Variants in VPS13D observed in about 807,000 individuals in gnomAD.
VPS13D encodes vacuolar protein sorting 13 homolog D.
Under a neutral mutation model 461.9 loss-of-function variants are expected in VPS13D, and 187 were observed. The observed-to-expected ratio is 0.40, with a 90% confidence interval of 0.36 to 0.46. The LOEUF is 0.46. Among genes scored for constraint, VPS13D ranks in the 20% least tolerant of loss-of-function variants. The pLI is 0.60. For synonymous variants in VPS13D, 1,951 were observed against 1,986.3 expected (o/e 0.98, Z 0.47); for missense variants, 4,711 against 5,364.9 (o/e 0.88, Z 3.81).
intron 60 of VPS13D, among the ~76,000 whole-genome samples, chr1:12,392,492 C>T (rs1362614402): frequency 1.4e-5 from 2 of 147,622 alleles, no homozygotes; most frequent in Non-Finnish European, 3.0e-5. Context: ...AAAAAAAGTC[C>T]GTGATGAAAT....
intron 63 of VPS13D, chr1:12,409,888 C>T (rs1400257251): frequency 2.2e-6 from 1 of 456,156 alleles, no homozygotes; most frequent in Non-Finnish European, 4.4e-6. Flanking sequence ...GAGAGAAACT[C>T]AGTAAGGTGA....
chr1:12,266,731 G>A (rs994604515), intron 13 of VPS13D, 150 bp from the exon 14 acceptor site: 8 of 751,990 alleles, frequency 1.1e-5, no homozygotes, highest in South Asian at 2.2e-5. Flanking sequence ...TGTGCCTGTA[G>A]ATAGATAGGG....
At chr1:12,498,501 C>A (rs993042255) in intron 68 of VPS13D, among the ~76,000 whole-genome samples, 3 of 152,124 alleles carry the variant, frequency 2.0e-5, no homozygotes, top group Non-Finnish European at 4.4e-5. Flanking sequence ...TATCAAAAGC[C>A]AACTCCAGAA....
intron 35 of VPS13D, among the ~76,000 whole-genome samples, chr1:12,324,508 A>G (rs563679313): frequency 3.3e-5 from 5 of 152,240 alleles, no homozygotes; most frequent in Admixed American, 2.6e-4. Context: ...TGTCTCAAAA[A>G]AAAAGGGGCT....
chr1:12,427,523 A>G (rs1308705483), intron 65 of VPS13D, among the ~76,000 whole-genome samples: 1 of 152,096 alleles, frequency 6.6e-6, no homozygotes, highest in Non-Finnish European at 1.5e-5. Flanking sequence ...CTGAACATGT[A>G]CATGTTTTCT....
chr1:12,230,425 C>A (rs981401815), intron 1 of VPS13D, among the ~76,000 whole-genome samples: 1 of 152,120 alleles, frequency 6.6e-6, no homozygotes, highest in Non-Finnish European at 1.5e-5. Context: ...ACCCCGACGT[C>A]CGTGTCCTGG....
At chr1:12,486,936 C>T (rs1034958214) in intron 67 of VPS13D, among the ~76,000 whole-genome samples, 11 of 152,114 alleles carry the variant, frequency 7.2e-5, no homozygotes, top group African/African-American at 1.9e-4. Flanking sequence ...TCCCTGGTTC[C>T]GCATGGCTTC....
intron 67 of VPS13D, among the ~76,000 whole-genome samples, chr1:12,491,029 A>G (rs1191389705): frequency 6.6e-6 from 1 of 152,250 alleles, no homozygotes; most frequent in Non-Finnish European, 1.5e-5. Flanking sequence ...CCATTTGGTC[A>G]AGAACCCTGG....
intron 61 of VPS13D, among the ~76,000 whole-genome samples, chr1:12,400,960 GCGCA>G (rs71570107): frequency 0.18 from 23,468 of 130,364 alleles, 2,252 homozygotes; most frequent in Middle Eastern, 0.26. Context: ...ACCTGCGCGC[GCGCA>G]CACACACACA....
chr1:12,501,499 A>T (rs1331613296), intron 68 of VPS13D, among the ~76,000 whole-genome samples: 1 of 152,246 alleles, frequency 6.6e-6, no homozygotes, highest in South Asian at 2.1e-4. Flanking sequence ...TTAAAAGCTA[A>T]ATCAGGAGTT....
intron 17 of VPS13D, 42 bp from the exon 18 acceptor site, chr1:12,272,960 TG>T: frequency 2.5e-6 from 4 of 1,601,004 alleles, no homozygotes; most frequent in Non-Finnish European, 3.4e-6. Flanking sequence ...ATAAAGCTGT[TG>T]GGTTTCGGCA....
intron 67 of VPS13D, among the ~76,000 whole-genome samples, chr1:12,493,695 G>A (rs1182783898): frequency 6.6e-6 from 1 of 152,202 alleles, no homozygotes; most frequent in Non-Finnish European, 1.5e-5. Flanking sequence ...TCACACAGTG[G>A]CCTGGGCTGA....
intron 22 of VPS13D, 37 bp from the exon 23 acceptor site, chr1:12,290,961 G>T (rs748686100): frequency 6.4e-7 from 1 of 1,556,050 alleles, no homozygotes; most frequent in South Asian, 1.2e-5. Flanking sequence ...GACAAAAAAG[G>T]ATACATAGTA....
rs1484559967 is a variant in VPS13D at position 12,378,572 on chromosome 1, G to A, written c.11062G>A (p.Ala3688Thr). 7.6e-6 allele frequency: 12 copies of A among 1,585,682 alleles called. No homozygotes were observed. The highest frequency in any genetic ancestry group is 5.4e-5 in the Admixed American group (3 of 55,882). ...TGCCATCTTAGATATTGCTGGTCTC[G>A]CTGCAGTGACTGACAACAGGTAATT... ...GSAILDIAGL[A>T]AVTDNRYEPL... The change falls in exon 56 of 70, where the codon GCT (alanine) becomes ACT (threonine). Residue 3688 changes from alanine (A) to threonine (T), a missense_variant. Ala to Thr is a moderately conservative substitution (Grantham distance 58). Coordinates refer to ENST00000620676, the MANE Select transcript of VPS13D (RefSeq NM_015378.4).
In VPS13D at chr1:12,373,816, G is replaced by C. The variant is rs1305157106; in HGVS notation, c.10875G>C (p.Leu3625Phe). ...NKAITCAELV[L>F]DVSPKTQRVI... Reference sequence around the variant, plus strand: ...CCATTACCTGTGCGGAGCTCGTTTTGGATGTCTCACCCAAGACACAAAGAG... The same window carrying C: ...CCATTACCTGTGCGGAGCTCGTTTTCGATGTCTCACCCAAGACACAAAGAG... Residue 3625 changes from leucine (L) to phenylalanine (F), a missense_variant, in exon 55 of 70, where the codon TTG (leucine) becomes TTC (phenylalanine). Leu to Phe is a conservative substitution (Grantham distance 22). Around this residue, in one of 3 missense-constraint regions of VPS13D, gnomAD observed 4,411 missense variants for 4,937.8 expected, o/e 0.89. Coordinates refer to ENST00000620676, the MANE Select transcript of VPS13D (RefSeq NM_015378.4). 6.2e-7 allele frequency: 1 copy of C among 1,606,680 alleles called. No individual in the cohort carries two copies. The highest frequency in any genetic ancestry group is 8.5e-7 in the Non-Finnish European group (1 of 1,176,418).
At chr1:12,296,541 A>G (rs987274012) in intron 24 of VPS13D, among the ~76,000 whole-genome samples, 5 of 152,156 alleles carry the variant, frequency 3.3e-5, no homozygotes, top group Admixed American at 6.5e-5. Flanking sequence ...TAGATATCCT[A>G]TGTAGCAACT....
In VPS13D at chr1:12,408,729, C is replaced by T. The variant is rs557566512; in HGVS notation, c.12030+4756C>T. Among the ~76,000 whole-genome samples, 4 of 152,320 alleles carry T rather than the reference C, an allele frequency of 2.6e-5. No homozygotes were observed. In the South Asian group the frequency reaches 6.2e-4, roughly 24 times the overall value. ...TTACTTAGCAGGAGGTTATCAGTGA[C>T]TTCCCAAGGCACCAAGTCCAGTGAC... On this transcript the variant is annotated intron_variant, in intron 63 of 69. Transcript: ENST00000620676.
chr1:12,288,337 A>C, intron 22 of VPS13D, 24 bp downstream of exon 22: 3 of 1,604,218 alleles, frequency 1.9e-6, no homozygotes, highest in Non-Finnish European at 2.6e-6. Context: ...GGTGGAGGGA[A>C]GCAAACTTGC....
At chr1:12,378,841 A>C (rs1644236810) in intron 56 of VPS13D, among the ~76,000 whole-genome samples, 1 of 152,218 alleles carries the variant, frequency 6.6e-6, no homozygotes. Flanking sequence ...AAAAGTGATT[A>C]TTTCTTCCAC....
Sources: gnomAD v4.1 joint callset for allele counts (sites outside exome capture counted in the v4.1 genomes callset) on GRCh38, gnomAD v4.1.1 for gene constraint, gnomAD v4.1.1 regional missense constraint, MANE v1.5 for transcripts, NCBI Gene and HGNC (gene_info 2026-07-23, HGNC 2026-07-21) for gene names.